Variants in HDAC9 observed in about 807,000 individuals in gnomAD.
The protein encoded by HDAC9 is histone deacetylase 9.
A neutral mutation model predicts 139.4 loss-of-function variants in HDAC9; 41 were observed. The observed-to-expected ratio is 0.29, with a 90% confidence interval of 0.23 to 0.38. The LOEUF (loss-of-function observed/expected upper bound fraction) is 0.38. Among genes scored for constraint, HDAC9 ranks in the 10% least tolerant of loss-of-function variants. The pLI, the probability that HDAC9 is intolerant of heterozygous loss-of-function variation, is 1.00. For missense variants in HDAC9, 1,147 were observed against 1,297.0 expected, an observed-to-expected ratio of 0.88 and a Z score of 1.78; for synonymous variants, 517 against 476.2, an observed-to-expected ratio of 1.09 and a Z score of -1.12.
intron 6 of HDAC9, among the ~76,000 whole-genome samples, chr7:18,621,792 A>G: frequency 6.6e-6 from 1 of 152,238 alleles, no homozygotes; most frequent in Non-Finnish European, 1.5e-5. Flanking sequence ...TATGCCAAGT[A>G]GTACTTTTGA....
chr7:18,401,582 G>A (rs1303223006), intron 1 of HDAC9, among the ~76,000 whole-genome samples: 1 of 152,178 alleles, frequency 6.6e-6, no homozygotes, highest in Non-Finnish European at 1.5e-5. Context: ...CAATGCCTCA[G>A]CAGAACTGGA....
chr7:18,863,648 G>A (rs1215007905), intron 21 of HDAC9, among the ~76,000 whole-genome samples: 1 of 151,994 alleles, frequency 6.6e-6, no homozygotes, highest in East Asian at 1.9e-4. Flanking sequence ...TTAGTGGGAA[G>A]AAGCAATGAA....
chr7:18,885,066 G>A (rs1041846074), intron 22 of HDAC9, among the ~76,000 whole-genome samples: 27 of 152,172 alleles, frequency 1.8e-4, no homozygotes, highest in African/African-American at 5.3e-4. Context: ...CAAGCAATAC[G>A]TTGGGAATTA....
chr7:18,648,042 T>C, intron 10 of HDAC9, 44 bp downstream of exon 10: 1 of 1,403,734 alleles, frequency 7.1e-7, no homozygotes, highest in East Asian at 2.4e-5. Context: ...TAGGGTTTTA[T>C]TTTATTAGTG....
intron 2 of HDAC9, among the ~76,000 whole-genome samples, chr7:18,258,496 T>C (rs1795426724): frequency 6.6e-6 from 1 of 152,148 alleles, no homozygotes; most frequent in Non-Finnish European, 1.5e-5. Context: ...CCACCCTTTT[T>C]CCCAAGTCCC....
chr7:18,921,064 C>T (rs983197354), intron 22 of HDAC9, among the ~76,000 whole-genome samples: 1 of 152,010 alleles, frequency 6.6e-6, no homozygotes, highest in Non-Finnish European at 1.5e-5. Context: ...CTTCCTTACA[C>T]CTTATACAAA....
chr7:18,358,740 A>G (rs1221727835), intron 1 of HDAC9, among the ~76,000 whole-genome samples: 4 of 152,226 alleles, frequency 2.6e-5, no homozygotes, highest in African/African-American at 7.2e-5. Flanking sequence ...ACATTAGTAG[A>G]ATTTACAGAT....
chr7:18,730,830 T>G (rs1211742078), intron 13 of HDAC9, among the ~76,000 whole-genome samples: 2 of 152,212 alleles, frequency 1.3e-5, no homozygotes, highest in South Asian at 4.1e-4. Context: ...GTCAAGAACT[T>G]AAACCTTTCA....
chr7:18,638,843 A>T (rs916831687), intron 8 of HDAC9, among the ~76,000 whole-genome samples: 10 of 151,978 alleles, frequency 6.6e-5, no homozygotes, highest in African/African-American at 1.9e-4. Context: ...CTCATTTGTA[A>T]ACTTGGTTGG....
intron 1 of HDAC9, among the ~76,000 whole-genome samples, chr7:18,412,175 C>A (rs970128795): frequency 6.6e-6 from 1 of 151,990 alleles, no homozygotes; most frequent in Non-Finnish European, 1.5e-5. Flanking sequence ...GGGTTATAAC[C>A]CCATCCTAAG....
intron 13 of HDAC9, among the ~76,000 whole-genome samples, chr7:18,732,870 C>CACACACGTGTGTATGTGTGCGTATGTGT (rs1562893164): frequency 1.6e-5 from 1 of 63,126 alleles, no homozygotes; most frequent in Non-Finnish European, 3.0e-5. Flanking sequence ...CGTATGTGTA[C>CACACACGTGTGTATGTGTGCGTATGTGT]ACACACACGT....
At chr7:18,874,626 G>T in intron 22 of HDAC9, 30 bp downstream of exon 22, 2 of 1,308,768 alleles carry the variant, frequency 1.5e-6, no homozygotes, top group African/African-American at 1.5e-5. Context: ...CTTTACGAAA[G>T]GCTCTGATAT....
At chr7:18,292,852 AC>A (rs1562843496) in intron 1 of HDAC9, among the ~76,000 whole-genome samples, 4 of 152,162 alleles carry the variant, frequency 2.6e-5, no homozygotes, top group African/African-American at 9.7e-5. Flanking sequence ...CATTTTAGAA[AC>A]CTGGAATTGA....
chr7:18,899,173 C>T (rs1219990802), intron 22 of HDAC9: 2 of 152,002 alleles, frequency 1.3e-5, no homozygotes, highest in African/African-American at 2.4e-5. Flanking sequence ...TTTTGGATGA[C>T]AGCTAGACTG....
chr7:18,175,083 G>T (rs186476697), intron 2 of HDAC9, among the ~76,000 whole-genome samples: 1 of 152,142 alleles, frequency 6.6e-6, no homozygotes, highest in African/African-American at 2.4e-5. Context: ...CAGAGGCAGC[G>T]GGCCTTGCTG....
chr7:18,756,771 C>T (rs1444519694), intron 14 of HDAC9, among the ~76,000 whole-genome samples: 2 of 152,168 alleles, frequency 1.3e-5, no homozygotes, highest in African/African-American at 2.4e-5. Context: ...AGTCAAGGCT[C>T]CCAACTTGCA....
At chr7:18,677,508 A>C (rs781469636) in intron 12 of HDAC9, among the ~76,000 whole-genome samples, 5 of 151,952 alleles carry the variant, frequency 3.3e-5, no homozygotes, top group African/African-American at 7.2e-5. Context: ...TTAGGAGTGA[A>C]AATGAGTTGT....
At chr7:18,842,421 CA>C (rs1396424730) in intron 21 of HDAC9, among the ~76,000 whole-genome samples, 3 of 152,012 alleles carry the variant, frequency 2.0e-5, no homozygotes, top group Non-Finnish European at 4.4e-5. Context: ...CTGAACTTGT[CA>C]ATCAATCTTA....
Position 18,752,037 on chromosome 7 carries a change from A to G in HDAC9, c.2043+2899A>G, listed in dbSNP as rs114753453. Among the ~76,000 whole-genome samples the G allele has an allele frequency of 5.1e-3, 783 of 152,204 alleles. 7 individuals carry two copies. The highest frequency in any genetic ancestry group is 0.018 in the African/African-American group (763 of 41,542). ...ATATTTTTGATTTGACAAATTAAGT[A>G]TATATGCAAATATTTTACTATGTTA... On this transcript the variant is annotated intron_variant, in intron 14 of 25. Coordinates refer to ENST00000686413, the MANE Select transcript of HDAC9 (RefSeq NM_178425.4).
Sources: gnomAD v4.1 joint callset for allele counts (sites outside exome capture counted in the v4.1 genomes callset) on GRCh38, gnomAD v4.1.1 for gene constraint, MANE v1.5 for transcripts, NCBI Gene and HGNC (gene_info 2026-07-23, HGNC 2026-07-21) for gene names.